Variants in SAE1 observed in about 807,000 individuals in gnomAD.
The protein encoded by SAE1 is SUMO1 activating enzyme subunit 1.
In SAE1, 11 loss-of-function variants were observed where a neutral mutation model predicts 40.6. The ratio of observed to expected loss-of-function variants is 0.27; its 90% CI spans 0.17 to 0.45. The LOEUF is 0.45. Among genes scored for constraint, SAE1 ranks in the 20% least tolerant of loss-of-function variants. SAE1 has a pLI of 1.00. For synonymous variants in SAE1, 155 were observed against 154.3 expected, an observed-to-expected ratio of 1.00 and a Z score of -0.03; for missense variants, 373 against 427.3, an observed-to-expected ratio of 0.87 and a Z score of 1.12.
At chr19:47,138,673 G>T (rs1464509849) in intron 1 of SAE1, among the ~76,000 whole-genome samples, 1 of 152,094 alleles carries the variant, frequency 6.6e-6, no homozygotes, top group African/African-American at 2.4e-5. Context: ...ATGGAGGAGG[G>T]GGCAGTAAAC....
At chr19:47,159,955 A>G (rs930478820) in intron 5 of SAE1, among the ~76,000 whole-genome samples, 3 of 152,158 alleles carry the variant, frequency 2.0e-5, no homozygotes, top group African/African-American at 4.8e-5. Flanking sequence ...TGGCCTCCCA[A>G]AGTACTGGGA....
At chr19:47,171,528 T>C (rs1469777074) in intron 6 of SAE1, among the ~76,000 whole-genome samples, 1 of 152,134 alleles carries the variant, frequency 6.6e-6, no homozygotes, top group East Asian at 1.9e-4. Flanking sequence ...CTTGGCTCAC[T>C]GCAACCTCCA....
At chr19:47,159,353 C>T (rs1600169004) in intron 5 of SAE1, among the ~76,000 whole-genome samples, 1 of 152,060 alleles carries the variant, frequency 6.6e-6, no homozygotes, top group East Asian at 1.9e-4. Context: ...ACCTTGGTTT[C>T]CACTGCTGGT....
chr19:47,138,020 C>T (rs957148420), intron 1 of SAE1, among the ~76,000 whole-genome samples: 1 of 151,712 alleles, frequency 6.6e-6, no homozygotes, highest in Non-Finnish European at 1.5e-5. Context: ...TGAGCCACTA[C>T]ACCCGGCCTA....
At chr19:47,154,222 C>G (rs1466370127) in intron 4 of SAE1, among the ~76,000 whole-genome samples, 1 of 152,052 alleles carries the variant, frequency 6.6e-6, no homozygotes, top group Non-Finnish European at 1.5e-5. Context: ...TCCTGAGTAG[C>G]TGGGACTGCA....
chr19:47,144,470 C>G (rs530853595), intron 2 of SAE1, among the ~76,000 whole-genome samples: 1 of 152,028 alleles, frequency 6.6e-6, no homozygotes. Context: ...GAGGCTGAGG[C>G]GGGCAGATCA....
intron 5 of SAE1, among the ~76,000 whole-genome samples, chr19:47,167,443 T>C (rs189487680): frequency 2.7e-3 from 411 of 151,806 alleles, no homozygotes; most frequent in African/African-American, 9.2e-3. Flanking sequence ...AGTTTCGCCA[T>C]GTTAGCCAGG....
intron 6 of SAE1, among the ~76,000 whole-genome samples, chr19:47,181,312 A>G (rs780000036): frequency 6.6e-6 from 1 of 151,998 alleles, no homozygotes; most frequent in African/African-American, 2.4e-5. Flanking sequence ...GCGAAACTCT[A>G]TCTCAAAATA....
chr19:47,143,122 T>G (rs898808321), intron 1 of SAE1, among the ~76,000 whole-genome samples: 1 of 152,120 alleles, frequency 6.6e-6, no homozygotes, highest in Non-Finnish European at 1.5e-5. Flanking sequence ...TTTTTTTTTT[T>G]GAGACGGAGT....
At chr19:47,138,030 ATGTG>A (rs969626979) in intron 1 of SAE1, among the ~76,000 whole-genome samples, 3 of 145,672 alleles carry the variant, frequency 2.1e-5, no homozygotes, top group African/African-American at 7.7e-5. Context: ...CACCCGGCCT[ATGTG>A]TGTGTATTTT....
At chr19:47,202,634 C>T (rs954470673) in intron 7 of SAE1, among the ~76,000 whole-genome samples, 3 of 150,508 alleles carry the variant, frequency 2.0e-5, no homozygotes, top group Admixed American at 6.6e-5. Flanking sequence ...CTAGAAGGGG[C>T]TGGGCGCAGT....
At chr19:47,156,186 G>A (rs1170250557) in intron 5 of SAE1, among the ~76,000 whole-genome samples, 1 of 151,528 alleles carries the variant, frequency 6.6e-6, no homozygotes, top group Admixed American at 6.6e-5. Flanking sequence ...TGGGAGGATT[G>A]TTTGAGCCTG....
intron 1 of SAE1, 178 bp downstream of exon 1, chr19:47,131,206 G>C: frequency 7.3e-7 from 1 of 1,371,166 alleles, no homozygotes. Flanking sequence ...GTTTCTGGAA[G>C]GTCTGGGAAG....
chr19:47,190,664 G>A (rs1444818609), intron 6 of SAE1, among the ~76,000 whole-genome samples: 1 of 152,196 alleles, frequency 6.6e-6, no homozygotes, highest in Non-Finnish European at 1.5e-5. Flanking sequence ...CAGCCAAACT[G>A]CACCAGGAAC....
chr19:47,169,932 T>C lies in SAE1; in HGVS notation c.733+9T>C. Reference sequence around the variant, plus strand: ...CTACTTTCTCCTTCAAGGTGAGGTCTCAAAGCACAACTTACCCCGGGAGAG... The same window carrying C: ...CTACTTTCTCCTTCAAGGTGAGGTCCCAAAGCACAACTTACCCCGGGAGAG... On this transcript the variant is annotated intron_variant, in intron 6 of 8. Coordinates refer to ENST00000270225, the MANE Select transcript of SAE1 (RefSeq NM_005500.3). The C allele has an allele frequency of 6.2e-7, 1 of 1,604,304 alleles. No homozygotes were observed. Among genetic ancestry groups the C allele is most frequent in the Non-Finnish European group, 8.5e-7 (1 of 1,171,126 alleles).
chr19:47,162,603 C>A (rs1268118308), intron 5 of SAE1, among the ~76,000 whole-genome samples: 2 of 152,148 alleles, frequency 1.3e-5, no homozygotes, highest in Non-Finnish European at 2.9e-5. Context: ...CTCCCCACCC[C>A]CTACCCCAGG....
intron 6 of SAE1, among the ~76,000 whole-genome samples, chr19:47,182,684 CA>C (rs947226894): frequency 1.2e-4 from 19 of 152,066 alleles, no homozygotes; most frequent in African/African-American, 4.6e-4. Flanking sequence ...ACTGGTTAGT[CA>C]CCGACTCTGC....
intron 1 of SAE1, among the ~76,000 whole-genome samples, chr19:47,140,652 C>T: frequency 6.6e-6 from 1 of 151,602 alleles, no homozygotes. Flanking sequence ...ATAAATCAGC[C>T]AGGTGCAGTG....
chr19:47,167,483 G>A (rs986397455), intron 5 of SAE1, among the ~76,000 whole-genome samples: 3 of 149,596 alleles, frequency 2.0e-5, no homozygotes, highest in African/African-American at 7.4e-5. Flanking sequence ...CTTGTGATCT[G>A]CCCGCCTTGG....
Sources: gnomAD v4.1 joint callset for allele counts (sites outside exome capture counted in the v4.1 genomes callset) on GRCh38, gnomAD v4.1.1 for gene constraint, MANE v1.5 for transcripts, NCBI Gene and HGNC (gene_info 2026-07-23, HGNC 2026-07-21) for gene names.